The following SRGAP2B variants were observed in gnomAD, a reference collection of about 807,000 sequenced individuals.
SRGAP2B encodes SLIT-ROBO Rho GTPase-activating protein 2B.
In SRGAP2B, 9 loss-of-function variants were observed where a neutral mutation model predicts 22.2. The observed-to-expected ratio is 0.41, with a 90% CI of 0.24 to 0.71. SRGAP2B has a LOEUF of 0.71. Ranked by LOEUF, SRGAP2B falls within the 30% of genes least tolerant of loss-of-function variation. The pLI is 0.35. For missense variants in SRGAP2B, 114 were observed against 235.8 expected (o/e 0.48, Z 3.38); for synonymous variants, 36 against 87.4 (o/e 0.41, Z 3.28).
At chr1:145,039,399 C>G (rs1404368456) in intron 2 of SRGAP2B, among the ~76,000 whole-genome samples, 8 of 110,162 alleles carry the variant, frequency 7.3e-5, no homozygotes, top group Non-Finnish European at 1.5e-4. Flanking sequence ...CACTCGAGCC[C>G]AGAAGGTCGA....
At chr1:145,009,505 G>A (rs370558952) in intron 2 of SRGAP2B, among the ~76,000 whole-genome samples, 2 of 146,296 alleles carry the variant, frequency 1.4e-5, no homozygotes, top group Admixed American at 6.7e-5. Context: ...GGAGAATGGC[G>A]TGAACCCGGG....
At chr1:144,970,931 C>A (rs1273642938) in intron 3 of SRGAP2B, among the ~76,000 whole-genome samples, 1 of 149,490 alleles carries the variant, frequency 6.7e-6, no homozygotes, top group Non-Finnish European at 1.5e-5. Context: ...AAGTGTTCTA[C>A]AACTATATAT....
At chr1:145,030,694 A>T in intron 2 of SRGAP2B, among the ~76,000 whole-genome samples, 1 of 57,886 alleles carries the variant, frequency 1.7e-5, no homozygotes. Context: ...TAGAACTTAA[A>T]GTATAATTTA....
intron 4 of SRGAP2B, among the ~76,000 whole-genome samples, chr1:144,948,909 CT>C (rs57634038): frequency 0.033 from 3,329 of 100,248 alleles, 61 homozygotes; most frequent in Middle Eastern, 0.074. Flanking sequence ...ATATGGACCT[CT>C]TTTTTTTTTT....
intron 3 of SRGAP2B, among the ~76,000 whole-genome samples, chr1:144,971,543 C>T (rs1400566040): frequency 1.3e-5 from 2 of 150,818 alleles, no homozygotes; most frequent in Admixed American, 6.6e-5. Flanking sequence ...AATCCTCCCG[C>T]CTCAGCCTCC....
Position 144,970,090 on chromosome 1 carries a change from G to A in SRGAP2B, c.261-14489C>T, listed in dbSNP as rs587736148. Among the ~76,000 whole-genome samples, 1,381 of 148,194 alleles carry A rather than the reference G, an allele frequency of 9.3e-3. 79 individuals carry two copies. The highest frequency in any genetic ancestry group is 0.033 in the African/African-American group (1,291 of 38,916). ...CAACCATTGTGGAAGTCAGTGTGGC[G>A]ATTCCTCAGGGATCTAGAACTAGAA... On this transcript the variant is annotated intron_variant, in intron 3 of 9. Transcript: ENST00000612199.
chr1:144,930,697 A>G (rs1246441467), intron 4 of SRGAP2B, among the ~76,000 whole-genome samples: 1 of 150,416 alleles, frequency 6.6e-6, no homozygotes, highest in Non-Finnish European at 1.5e-5. Context: ...AAAAAAATTG[A>G]AAGAAGTAAT....
At chr1:144,970,769 G>T (rs1208136935) in intron 3 of SRGAP2B, among the ~76,000 whole-genome samples, 1 of 149,440 alleles carries the variant, frequency 6.7e-6, no homozygotes, top group Non-Finnish European at 1.5e-5. Context: ...ATGAATAACT[G>T]TTTATCTTTT....
At chr1:144,970,858 CAT>C (rs1375327083) in intron 3 of SRGAP2B, among the ~76,000 whole-genome samples, 1 of 149,926 alleles carries the variant, frequency 6.7e-6, no homozygotes, top group Non-Finnish European at 1.5e-5. Context: ...GCCTAACACA[CAT>C]GACTTTTGTG....
At chr1:144,984,882 A>G (rs868979890) in intron 3 of SRGAP2B, among the ~76,000 whole-genome samples, 1 of 149,644 alleles carries the variant, frequency 6.7e-6, no homozygotes, top group African/African-American at 2.5e-5. Context: ...AAACCCATCT[A>G]CCTTTGTCCA....
chr1:145,041,487 CA>C (rs4058416), intron 2 of SRGAP2B, among the ~76,000 whole-genome samples: 1 of 57,474 alleles, frequency 1.7e-5, no homozygotes, highest in East Asian at 5.2e-4. Flanking sequence ...GACCCCATCT[CA>C]AAAAAAAAAA....
chr1:144,984,624 A>G (rs1669583922), intron 3 of SRGAP2B, among the ~76,000 whole-genome samples: 1 of 149,096 alleles, frequency 6.7e-6, no homozygotes, highest in Non-Finnish European at 1.5e-5. Flanking sequence ...AAGAAGATAT[A>G]TATTTGCTAA....
At chr1:144,969,967 G>C (rs1187644246) in intron 3 of SRGAP2B, among the ~76,000 whole-genome samples, 1 of 150,588 alleles carries the variant, frequency 6.6e-6, no homozygotes, top group Non-Finnish European at 1.5e-5. Flanking sequence ...ACACCAGTTA[G>C]AATGGCAATC....
At chr1:144,926,958 CT>C (rs1161777491) in intron 4 of SRGAP2B, among the ~76,000 whole-genome samples, 1 of 151,542 alleles carries the variant, frequency 6.6e-6, no homozygotes, top group Non-Finnish European at 1.5e-5. Context: ...TTTCTTTTTT[CT>C]TTTTTTTGGA....
chr1:145,080,755 A>T (rs1233892736), intron 2 of SRGAP2B, among the ~76,000 whole-genome samples: 1 of 149,376 alleles, frequency 6.7e-6, no homozygotes, highest in Admixed American at 6.6e-5. Flanking sequence ...GGGTTTCACC[A>T]TGTTGGCCAG....
At chr1:145,016,852 T>TG (rs1329346214) in intron 2 of SRGAP2B, among the ~76,000 whole-genome samples, 6 of 150,974 alleles carry the variant, frequency 4.0e-5, no homozygotes, top group African/African-American at 1.2e-4. Flanking sequence ...GTTTTTTTTT[T>TG]TTTGTTTTTT....
chr1:145,011,889 C>T (rs1672079091), intron 2 of SRGAP2B, among the ~76,000 whole-genome samples: 1 of 150,626 alleles, frequency 6.6e-6, no homozygotes, highest in Non-Finnish European at 1.5e-5. Flanking sequence ...TTTCCAAAAC[C>T]TTACATGGCC....
At chr1:144,899,701 A>G (rs1240444512) in intron 7 of SRGAP2B, among the ~76,000 whole-genome samples, 2 of 149,014 alleles carry the variant, frequency 1.3e-5, no homozygotes, top group Non-Finnish European at 3.0e-5. Context: ...TCAAATGAGG[A>G]TAACACCAGC....
At chr1:144,950,708 C>T (rs1359887584) in intron 4 of SRGAP2B, among the ~76,000 whole-genome samples, 3 of 148,102 alleles carry the variant, frequency 2.0e-5, no homozygotes, top group Non-Finnish European at 4.4e-5. Flanking sequence ...TTCAATGAAA[C>T]AGAGAAAATC....
Sources: gnomAD v4.1 joint callset for allele counts (sites outside exome capture counted in the v4.1 genomes callset) on GRCh38, gnomAD v4.1.1 for gene constraint, MANE v1.5 for transcripts, NCBI Gene and HGNC (gene_info 2026-07-23, HGNC 2026-07-21) for gene names.